Variants in EGF observed in about 807,000 individuals in gnomAD.
The protein encoded by EGF is pro-epidermal growth factor.
In EGF, 95 loss-of-function variants were observed where a neutral mutation model predicts 143.8. The ratio of observed to expected loss-of-function variants is 0.66; its 90% CI spans 0.56 to 0.78. EGF has a LOEUF of 0.78. EGF is among the 30% of genes least tolerant of loss of function. The probability of loss-of-function intolerance (pLI) is 0.00; values close to 1 mark genes in which losing one functional copy is unlikely to be tolerated. For synonymous variants in EGF, 510 were observed against 510.5 expected (o/e 1.00, Z 0.01); for missense variants, 1,320 against 1,470.9 (o/e 0.90, Z 1.68).
Position 110,004,564 on chromosome 4 carries a change from T to G in EGF, c.3233T>G (p.Val1078Gly), listed in dbSNP as rs1486740362. Residue 1078 changes from valine (V) to glycine (G), a missense_variant, in exon 22 of 24, where the codon GTG (valine) becomes GGG (glycine). Val to Gly is a moderately radical substitution (Grantham distance 109). Transcript: ENST00000265171. ...KNPYEESSRDVRSRRPADTED... is the reference protein window; with the variant it reads ...KNPYEESSRDGRSRRPADTED... ...CCTTATGAGGAGTCGAGCAGAGATG[T>G]GAGGAGTCGCAGGCCTGCTGACACT... 1.9e-6 allele frequency: 3 copies of G among 1,614,030 alleles called. No homozygotes were observed. In the Admixed American group the frequency reaches 5.0e-5, roughly 27 times the overall value.
At chr4:110,005,371 A>G (rs11098061) in intron 22 of EGF, among the ~76,000 whole-genome samples, 29,524 of 151,642 alleles carry the variant, frequency 0.19, 5,405 homozygotes, top group African/African-American at 0.46. Flanking sequence ...ATATTTCTTA[A>G]TATTTCTTTT....
chr4:109,976,028 G>A lies in EGF; in HGVS notation c.1846G>A (p.Asp616Asn). 6.2e-7 allele frequency: 1 copy of A among 1,613,874 alleles called. No homozygotes were observed. The highest frequency in any genetic ancestry group is 1.1e-5 in the South Asian group (1 of 91,062). ...TGATTAAAGGAGATTATTCTGGACT[G>A]ATACAGGGATTAATCCACGAATTGA... ...HPMAKRLFWT[D>N]TGINPRIESS... The change falls in exon 13 of 24, where the codon GAT becomes AAT. Residue 616 changes from aspartate to asparagine, a missense_variant. Physicochemically the swap from Asp to Asn is conservative, Grantham distance 23. Around this residue, in one of 5 missense-constraint regions of EGF, gnomAD observed 1,186 missense variants for 1,313.7 expected, o/e 0.90. Coordinates refer to ENST00000265171, the MANE Select transcript of EGF (RefSeq NM_001963.6).
intron 1 of EGF, among the ~76,000 whole-genome samples, chr4:109,939,324 A>G (rs1435584946): frequency 6.6e-6 from 1 of 152,250 alleles, no homozygotes; most frequent in Non-Finnish European, 1.5e-5. Context: ...GCAAGGCTCC[A>G]TGGGTATGGG....
At chr4:109,921,200 C>A (rs1383410525) in intron 1 of EGF, among the ~76,000 whole-genome samples, 1 of 151,230 alleles carries the variant, frequency 6.6e-6, no homozygotes, top group East Asian at 1.9e-4. Flanking sequence ...TGTTCTATTT[C>A]TTAAGAGCAT....
chr4:109,933,488 A>G (rs1248027522), intron 1 of EGF, among the ~76,000 whole-genome samples: 1 of 149,960 alleles, frequency 6.7e-6, no homozygotes, highest in Non-Finnish European at 1.5e-5. Flanking sequence ...TTTGTTACAT[A>G]GGTATATATG....
At chr4:110,003,323 T>C (rs767201746) in intron 21 of EGF, among the ~76,000 whole-genome samples, 94 of 152,334 alleles carry the variant, frequency 6.2e-4, no homozygotes, top group Non-Finnish European at 1.1e-3. Context: ...TTCATGAGCA[T>C]CTTTTTTTTC....
chr4:109,979,917 A>C, intron 13 of EGF, 55 bp from the exon 14 acceptor site: 1 of 1,599,852 alleles, frequency 6.3e-7, no homozygotes, highest in South Asian at 1.1e-5. Flanking sequence ...TCCTTTCGTA[A>C]ATAGTCATTG....
chr4:109,928,558 G>A (rs773541359), intron 1 of EGF, among the ~76,000 whole-genome samples: 1 of 152,198 alleles, frequency 6.6e-6, no homozygotes, highest in Non-Finnish European at 1.5e-5. Context: ...CTCCTGGGTC[G>A]GGGGAAAGGC....
Position 109,964,294 on chromosome 4 carries a change from A to G in EGF, c.1439-107A>G, listed in dbSNP as rs1746187454. On this transcript the variant is annotated intron_variant, in intron 9 of 23. Transcript: ENST00000265171. ...CTAGAGGGAAATTAAGAAAACAAGTACTGTAGAAATTGGGTAAAAAGGTAC... is the reference window on the plus strand; with the variant it reads ...CTAGAGGGAAATTAAGAAAACAAGTGCTGTAGAAATTGGGTAAAAAGGTAC... 68 of 1,480,864 alleles carry G rather than the reference A, an allele frequency of 4.6e-5. No homozygotes were observed. The South Asian group carries it at 6.7e-4, about 15-fold the overall frequency. The allele number at this position is 1,480,864 out of a possible 1,614,324, so 91.7% of individuals were successfully genotyped here. A position where few individuals can be genotyped will look rare whatever the true frequency, so the allele number is the denominator to read the frequency against.
chr4:109,948,484 G>A (rs1007580410), intron 5 of EGF, among the ~76,000 whole-genome samples: 8 of 151,906 alleles, frequency 5.3e-5, no homozygotes, highest in Middle Eastern at 3.4e-3. Context: ...GACATCCTTC[G>A]GATTTTTTTT....
chr4:109,962,629 G>C (rs772365560), intron 8 of EGF, among the ~76,000 whole-genome samples: 1 of 152,218 alleles, frequency 6.6e-6, no homozygotes, highest in African/African-American at 2.4e-5. Flanking sequence ...GGTAGAATAA[G>C]AGGACAAGGG....
At chr4:109,932,383 T>TATATATAAA (rs1560643572) in intron 1 of EGF, among the ~76,000 whole-genome samples, 3 of 86,716 alleles carry the variant, frequency 3.5e-5, no homozygotes, top group East Asian at 9.4e-4. Flanking sequence ...ATATAAATTT[T>TATATATAAA]TTTTTTTTTT....
intron 1 of EGF, among the ~76,000 whole-genome samples, chr4:109,924,975 A>T (rs1440971484): frequency 1.3e-5 from 2 of 152,230 alleles, no homozygotes; most frequent in East Asian, 3.9e-4. Context: ...CAGGACAAGC[A>T]AGATATTTGT....
At position 109,959,031 on chromosome 4, in the gene EGF, A is replaced by G. The variant is rs1745250638; in HGVS notation, c.941-281A>G. The G allele has an allele frequency of 7.2e-6, 3 of 414,618 alleles. No homozygotes were observed. In the Admixed American group the frequency reaches 1.1e-4, roughly 15 times the overall value. 25.7% of individuals were successfully genotyped at this position (414,618 alleles called of 1,614,324 possible). On this transcript the variant is annotated intron_variant, in intron 5 of 23. Transcript: ENST00000265171. Reference sequence around the variant, plus strand: ...TTTGTGATAAAAGTACATTAGAATGAAAAAGCTAATAAGTAGTGTTTAGTA... The same window carrying G: ...TTTGTGATAAAAGTACATTAGAATGGAAAAGCTAATAAGTAGTGTTTAGTA...
intron 22 of EGF, among the ~76,000 whole-genome samples, chr4:110,005,376 TC>T (rs2126190819): frequency 2.0e-5 from 3 of 152,196 alleles, no homozygotes; most frequent in African/African-American, 7.2e-5. Context: ...TCTTAATATT[TC>T]TTTTATTTTC....
At chr4:109,961,809 A>C in intron 7 of EGF, 54 bp from the exon 8 acceptor site, 1 of 1,609,060 alleles carries the variant, frequency 6.2e-7, no homozygotes, top group East Asian at 2.2e-5. Flanking sequence ...GATTGCAATA[A>C]ATTTTTGCAA....
intron 1 of EGF, among the ~76,000 whole-genome samples, chr4:109,935,476 G>A (rs149431202): frequency 0.031 from 4,741 of 152,108 alleles, 285 homozygotes; most frequent in East Asian, 0.23. Flanking sequence ...GGTTTTCTAG[G>A]TATACAATCA....
intron 1 of EGF, among the ~76,000 whole-genome samples, chr4:109,918,408 C>T (rs887894454): frequency 7.9e-5 from 12 of 152,024 alleles, no homozygotes; most frequent in African/African-American, 2.7e-4. Context: ...CTGAGGGGGA[C>T]CTGGAGTTTG....
chr4:109,982,472 C>T (rs895065790), intron 15 of EGF, among the ~76,000 whole-genome samples: 2 of 151,918 alleles, frequency 1.3e-5, no homozygotes, highest in Non-Finnish European at 2.9e-5. Context: ...GGATTACAGG[C>T]GTGCACCATC....
Sources: gnomAD v4.1 joint callset for allele counts (sites outside exome capture counted in the v4.1 genomes callset) on GRCh38, gnomAD v4.1.1 for gene constraint, gnomAD v4.1.1 regional missense constraint, MANE v1.5 for transcripts, NCBI Gene and HGNC (gene_info 2026-07-23, HGNC 2026-07-21) for gene names.